The following STAG1 variants were observed in gnomAD, a reference collection of about 807,000 sequenced individuals.
The protein encoded by STAG1 is cohesin subunit SA-1.
STAG1 carries 26 observed loss-of-function variants against 170.9 expected under a neutral mutation model. The observed-to-expected ratio is 0.15, with a 90% CI of 0.11 to 0.21. The LOEUF is 0.21. Among genes scored for constraint, STAG1 ranks in the 10% least tolerant of loss-of-function variants. The pLI is 1.00. For missense variants in STAG1, 964 were observed against 1,509.5 expected, an observed-to-expected ratio of 0.64 and a Z score of 5.99; for synonymous variants, 514 against 497.7, an observed-to-expected ratio of 1.03 and a Z score of -0.44.
chr3:136,457,199 T>C (rs992819871), intron 13 of STAG1, among the ~76,000 whole-genome samples: 4 of 152,068 alleles, frequency 2.6e-5, no homozygotes, highest in African/African-American at 7.2e-5. Context: ...ACCACAAATA[T>C]AAGCCCAGGC....
At chr3:136,483,827 T>C (rs2089941672) in intron 9 of STAG1, among the ~76,000 whole-genome samples, 1 of 1,166 alleles carries the variant, frequency 8.6e-4, no homozygotes, top group Non-Finnish European at 2.3e-3. Context: ...ATTTCATTCA[T>C]TTCATCTTCC....
At chr3:136,346,713 T>C (rs1003637051) in intron 29 of STAG1, among the ~76,000 whole-genome samples, 4 of 152,238 alleles carry the variant, frequency 2.6e-5, no homozygotes, top group Admixed American at 1.3e-4. Flanking sequence ...TTTATAAATA[T>C]GTCAAATAAA....
intron 1 of STAG1, among the ~76,000 whole-genome samples, chr3:136,655,758 C>G (rs1191174373): frequency 6.7e-6 from 1 of 149,832 alleles, no homozygotes; most frequent in Non-Finnish European, 1.5e-5. Flanking sequence ...GGTAAGACTC[C>G]ATTAAAAAAA....
intron 1 of STAG1, among the ~76,000 whole-genome samples, chr3:136,749,498 A>G (rs1935118060): frequency 6.6e-6 from 1 of 152,200 alleles, no homozygotes. Context: ...CTGTAATCCC[A>G]GCATTTTGGT....
At position 136,473,520 on chromosome 3, in the gene STAG1, T is replaced by A. The variant is rs572715487; in HGVS notation, c.1125+19A>T. 6.5e-7 allele frequency: 1 copy of A among 1,544,806 alleles called. No individual in the cohort carries two copies. The highest frequency in any genetic ancestry group is 2.3e-5 in the East Asian group (1 of 44,290). On this transcript the variant is annotated intron_variant, in intron 11 of 33. Transcript: ENST00000383202. Reference sequence around the variant, plus strand: ...TGTAAAGAGAAAAATTAAATAAGCTTATCATTCTTGATGCTTACCTTGAAT... The same window carrying A: ...TGTAAAGAGAAAAATTAAATAAGCTAATCATTCTTGATGCTTACCTTGAAT...
chr3:136,420,013 C>G (rs531192649), intron 20 of STAG1, among the ~76,000 whole-genome samples: 92 of 151,854 alleles, frequency 6.1e-4, no homozygotes, highest in Middle Eastern at 3.4e-3. Flanking sequence ...TTTGGGAGGC[C>G]GAGTGCCAGT....
intron 1 of STAG1, among the ~76,000 whole-genome samples, chr3:136,665,083 T>C (rs142244625): frequency 1.9e-3 from 287 of 152,286 alleles, no homozygotes; most frequent in Non-Finnish European, 3.7e-3. Context: ...AACCAGAATG[T>C]CTATTACTGT....
At chr3:136,645,372 C>T (rs1940968453) in intron 1 of STAG1, among the ~76,000 whole-genome samples, 1 of 152,150 alleles carries the variant, frequency 6.6e-6, no homozygotes, top group Non-Finnish European at 1.5e-5. Context: ...CTACTCCTTC[C>T]TCCATGCTCT....
chr3:136,463,788 C>T (rs1433652083), intron 13 of STAG1, among the ~76,000 whole-genome samples: 81 of 129,556 alleles, frequency 6.3e-4, no homozygotes, highest in African/African-American at 2.0e-3. Flanking sequence ...CACACACACA[C>T]ACATATACAT....
At chr3:136,381,158 G>A (rs964247312) in intron 22 of STAG1, among the ~76,000 whole-genome samples, 1 of 151,978 alleles carries the variant, frequency 6.6e-6, no homozygotes, top group African/African-American at 2.4e-5. Context: ...CTGCGTATGT[G>A]AGTTCAAAGC....
At chr3:136,653,167 G>T (rs539088072) in intron 1 of STAG1, among the ~76,000 whole-genome samples, 1 of 152,028 alleles carries the variant, frequency 6.6e-6, no homozygotes, top group African/African-American at 2.4e-5. Flanking sequence ...AGCTACTCGG[G>T]AGGCTGAGGC....
chr3:136,459,652 T>C (rs186179063), intron 13 of STAG1, among the ~76,000 whole-genome samples: 19 of 152,330 alleles, frequency 1.2e-4, no homozygotes, highest in Admixed American at 3.9e-4. Context: ...AAATATTGAA[T>C]GCATATTGAG....
chr3:136,595,093 T>C (rs1938364391), intron 4 of STAG1, among the ~76,000 whole-genome samples: 1 of 152,202 alleles, frequency 6.6e-6, no homozygotes, highest in African/African-American at 2.4e-5. Flanking sequence ...TTATAGTTGA[T>C]ATCTAGGTGT....
intron 28 of STAG1, among the ~76,000 whole-genome samples, chr3:136,354,550 C>T (rs1487120419): frequency 6.6e-6 from 1 of 151,924 alleles, no homozygotes; most frequent in East Asian, 1.9e-4. Flanking sequence ...GATCTGCCCA[C>T]CTCAGCCTCC....
At chr3:136,518,296 T>G in intron 7 of STAG1, 1 of 647,484 alleles carries the variant, frequency 1.5e-6, no homozygotes, top group Non-Finnish European at 2.8e-6. Context: ...CAAGGAGCAT[T>G]TTATTCCAAA....
rs148700597 is a variant in STAG1, at chr3:136,474,603, T to C, written c.1027-966A>G. 1.4e-3 allele frequency among the ~76,000 whole-genome samples: 217 copies of C among 152,336 alleles called. 4 individuals are homozygous for C. The East Asian group carries it at 0.037, about 26-fold the overall frequency. ...GATGAGATGTCAATGAACTCATTTA[T>C]GGAGATGCATAATCACTCTTTTGTA... On this transcript the variant is annotated intron_variant, in intron 10 of 33. Coordinates refer to ENST00000383202, the MANE Select transcript of STAG1 (RefSeq NM_005862.3).
chr3:136,715,595 G>A (rs547924533), intron 1 of STAG1, among the ~76,000 whole-genome samples: 3 of 151,992 alleles, frequency 2.0e-5, no homozygotes, highest in African/African-American at 7.2e-5. Flanking sequence ...ACTCCAGCCT[G>A]GTGACAGAAC....
At chr3:136,472,980 T>C (rs1325024119) in intron 11 of STAG1, among the ~76,000 whole-genome samples, 1 of 152,156 alleles carries the variant, frequency 6.6e-6, no homozygotes, top group East Asian at 1.9e-4. Flanking sequence ...AGTGAGCCAG[T>C]GAAGTTTCAT....
intron 26 of STAG1, among the ~76,000 whole-genome samples, chr3:136,363,071 A>G (rs1936936603): frequency 6.6e-6 from 1 of 152,118 alleles, no homozygotes; most frequent in Non-Finnish European, 1.5e-5. Context: ...AATACTTTTT[A>G]TATTTTTCTT....
Sources: allele counts gnomAD v4.1 joint callset (sites outside exome capture counted in the v4.1 genomes callset), GRCh38; gene constraint gnomAD v4.1.1; transcripts MANE v1.5; gene names NCBI Gene and HGNC (gene_info 2026-07-23, HGNC 2026-07-21).